Variants in CLIP3 observed in about 807,000 individuals in gnomAD.
The protein encoded by CLIP3 is CAP-Gly domain-containing linker protein 3.
In CLIP3, 15 loss-of-function variants were observed where a neutral mutation model predicts 59.4. The observed-to-expected ratio is 0.25, with a 90% CI of 0.17 to 0.39. CLIP3 has a LOEUF of 0.39. CLIP3 is among the 10% of genes least tolerant of loss of function. The probability of loss-of-function intolerance (pLI) is 1.00; values close to 1 mark genes in which losing one functional copy is unlikely to be tolerated. For synonymous variants in CLIP3, 300 were observed against 321.6 expected (o/e 0.93, Z 0.72); for missense variants, 495 against 765.7 (o/e 0.65, Z 4.17).
At position 36,032,431 on chromosome 19, in the gene CLIP3, A is replaced by G; in HGVS notation, c.-58-16T>C. 1.4e-6 allele frequency: 1 copy of G among 694,638 alleles called. No individual in the cohort carries two copies. Among genetic ancestry groups the G allele is most frequent in the Non-Finnish European group, 2.0e-6 (1 of 489,314 alleles). 43.0% of individuals were successfully genotyped at this position (694,638 alleles called of 1,614,324 possible). A position where few individuals can be genotyped will look rare whatever the true frequency, so the allele number is the denominator to read the frequency against. On this transcript the variant is annotated splice_polypyrimidine_tract_variant and intron_variant, in intron 1 of 13. Coordinates refer to ENST00000360535, the MANE Select transcript of CLIP3 (RefSeq NM_015526.3). This position sits in a 1 kb window ranked among gnomAD's most constrained non-coding sequence, Gnocchi z 4.3. ...CAGGCAAATCCTGGAGGCAGAGGTC[A>G]GCTGGAGAGGGTGCCCGGCAGGCTC...
At position 36,024,477 on chromosome 19, in the gene CLIP3, G is replaced by A. The variant is rs151199205; in HGVS notation, c.837C>T (p.Asn279=). The change falls in exon 7 of 14, where the codon AAC becomes AAT. Residue 279 remains asparagine (N), a synonymous_variant. Transcript: ENST00000360535. ...TGAGATTGCCTGGGACGTTGTCATA[G>A]TTGGGTAGCGTGACCTTGGGGAGGG... ...SCALPKVTLP[N]YDNVPGNLML... The A allele has an allele frequency of 7.8e-4, 1,262 of 1,614,264 alleles. 14 individuals carry two copies. In the African/African-American group the frequency reaches 0.012, roughly 16 times the overall value.
At chr19:36,027,781 TCCCAATGC>T (rs1486697051) in intron 2 of CLIP3, among the ~76,000 whole-genome samples, 2 of 152,210 alleles carry the variant, frequency 1.3e-5, no homozygotes, top group Non-Finnish European at 2.9e-5. Flanking sequence ...ACATCTGTAA[TCCCAATGC>T]GTTGGGAGGC....
intron 12 of CLIP3, 141 bp downstream of exon 12, chr19:36,017,245 G>A (rs996541204): frequency 4.3e-5 from 38 of 888,466 alleles, no homozygotes; most frequent in South Asian, 3.2e-4. Context: ...ATCTTTTTGT[G>A]GACCTTGTCT....
At position 36,016,856 on chromosome 19, in the gene CLIP3, T is replaced by A; in HGVS notation, c.1589+51A>T. ...CCTCTGGGTCCAACTGCCTTATGGA[T>A]CCCTCTCCCTGAATGTCACATAGGA... On this transcript the variant is annotated intron_variant, in intron 13 of 13. Coordinates refer to ENST00000360535, the MANE Select transcript of CLIP3 (RefSeq NM_015526.3). This position sits in a 1 kb window ranked among gnomAD's most constrained non-coding sequence, Gnocchi z 4.1. 4.4e-6 allele frequency: 7 copies of A among 1,580,646 alleles called. No individual in the cohort carries two copies. Among genetic ancestry groups the A allele is most frequent in the Non-Finnish European group, 6.1e-6 (7 of 1,154,730 alleles).
chr19:36,024,321 G>C, intron 7 of CLIP3, 75 bp downstream of exon 7: 1 of 1,309,810 alleles, frequency 7.6e-7, no homozygotes, highest in Non-Finnish European at 1.1e-6. Flanking sequence ...CTCTGCCCGA[G>C]GACGCAGCTC....
rs1555786978 is a variant in CLIP3 at position 36,016,342 on chromosome 19, GGTTT to G, written c.1590-134_1590-131del. The G allele has an allele frequency of 3.4e-4, 364 of 1,061,524 alleles. 3 individuals carry two copies. The highest frequency in any genetic ancestry group is 1.4e-3 in the South Asian group (107 of 73,834). The allele number at this position is 1,061,524 out of a possible 1,614,324, so 65.8% of individuals were successfully genotyped here. On this transcript the variant is annotated intron_variant, in intron 13 of 13. Transcript: ENST00000360535. This position sits in a 1 kb window ranked among gnomAD's most constrained non-coding sequence, Gnocchi z 4.1. ...ATTCTGCCTCTACCTCTCTGGCTGT[GGTTT>G]GTTTGTTTGTTTGTTTTCTGAGATG...
In CLIP3 at chr19:36,026,348, C is replaced by T. The variant is rs771321120; in HGVS notation, c.563-83G>A. 1 of 1,319,162 alleles carries T rather than the reference C, an allele frequency of 7.6e-7. No homozygotes were observed. The highest frequency in any genetic ancestry group is 1.1e-6 in the Non-Finnish European group (1 of 926,060). 81.7% of individuals were successfully genotyped at this position (1,319,162 alleles called of 1,614,324 possible). The stretch of plus-strand genomic sequence containing the variant: ...TCCCACCTCGGGGCTCATCTCTTAA[C>T]TTGCAGGTCCCAGAGCCTCCGACGC... On this transcript the variant is annotated intron_variant, in intron 5 of 13. Transcript: ENST00000360535. The surrounding 1 kb of genome is among the most constrained non-coding windows in gnomAD (Gnocchi z 6.3).
At chr19:36,017,328 G>A in intron 12 of CLIP3, 58 bp downstream of exon 12, 2 of 1,508,596 alleles carry the variant, frequency 1.3e-6, no homozygotes, top group Admixed American at 3.3e-5. Context: ...GAGAACCCAT[G>A]ACCCTTCCTC....
At position 36,015,254 on chromosome 19, in the gene CLIP3, G is replaced by A. The variant is rs952059697; in HGVS notation, c.*904C>T. ...GTTACGGCATTGGGGTCTTCTAGGG[G>A]CTGTAGGACTTGAGGGCACAGGGGA... On this transcript the variant is annotated 3_prime_UTR_variant, in exon 14 of 14. Transcript: ENST00000360535. The A allele has an allele frequency of 2.0e-5, 3 of 152,376 alleles. No homozygotes were observed. Among genetic ancestry groups the A allele is most frequent in the African/African-American group, 7.2e-5 (3 of 41,440 alleles). 9.4% of individuals were successfully genotyped at this position (152,376 alleles called of 1,614,324 possible).
rs1197107907 is a variant in CLIP3, at chr19:36,018,980, G to A, written c.1101C>T (p.Pro367=). 1.2e-6 allele frequency: 2 copies of A among 1,604,842 alleles called. No individual in the cohort carries two copies. The highest frequency in any genetic ancestry group is 1.3e-5 in the African/African-American group (1 of 74,682). The change falls in exon 9 of 14, where the codon CCC becomes CCT. Residue 367 remains proline (P), a synonymous_variant. Coordinates refer to ENST00000360535, the MANE Select transcript of CLIP3 (RefSeq NM_015526.3). ...VSKISKAVDA[P]PSSVTSTPRT... is the part of the protein sequence containing the mutation. ...GGGGTGTGGAGGTGACAGAGGAGGGGGGTGCGTCCACTGCCTTGGAGATCT... is the reference window on the plus strand; with the variant it reads ...GGGGTGTGGAGGTGACAGAGGAGGGAGGTGCGTCCACTGCCTTGGAGATCT...
chr19:36,022,586 G>T (rs1490984339), intron 7 of CLIP3, among the ~76,000 whole-genome samples: 1 of 152,156 alleles, frequency 6.6e-6, no homozygotes, highest in Non-Finnish European at 1.5e-5. Flanking sequence ...CCTTCCTTCT[G>T]AATTGTGCAA....
At chr19:36,024,881 C>A (rs1313254465) in intron 6 of CLIP3, among the ~76,000 whole-genome samples, 1 of 152,100 alleles carries the variant, frequency 6.6e-6, no homozygotes, top group Non-Finnish European at 1.5e-5. Context: ...GCCTGGCCAA[C>A]ATGGTGAAAC....
intron 7 of CLIP3, 172 bp from the exon 8 acceptor site, chr19:36,019,478 T>A: frequency 1.3e-6 from 1 of 763,844 alleles, no homozygotes; most frequent in Non-Finnish European, 2.2e-6. Flanking sequence ...CTCAACTTCC[T>A]TTGCTGTGAA....
intron 2 of CLIP3, 63 bp from the exon 3 acceptor site, chr19:36,027,334 G>C: frequency 6.5e-7 from 1 of 1,526,844 alleles, no homozygotes; most frequent in Admixed American, 2.2e-5. Context: ...AGCCTCAGTA[G>C]GGGAGCTGTA....
Position 36,017,430 on chromosome 19 carries a change from G to T in CLIP3, c.1472C>A (p.Ser491Tyr), listed in dbSNP as rs541572631. 1.5e-5 allele frequency: 24 copies of T among 1,614,102 alleles called. No individual in the cohort carries two copies. In the South Asian group the frequency reaches 2.5e-4, roughly 17 times the overall value. The change falls in exon 12 of 14, where the codon TCC (serine) becomes TAC (tyrosine). Residue 491 changes from serine (S) to tyrosine (Y), a missense_variant. Coordinates refer to ENST00000360535, the MANE Select transcript of CLIP3 (RefSeq NM_015526.3). ...TTTGGCTCCAACGCTGTCCCCGGGGGAATCAGTGGATCCGCCAATCCTGAG... is the reference window on the plus strand; with the variant it reads ...TTTGGCTCCAACGCTGTCCCCGGGGTAATCAGTGGATCCGCCAATCCTGAG... ...RIQRIGGSTDSPGDSVGAKKV... is the reference protein window; with the variant it reads ...RIQRIGGSTDYPGDSVGAKKV...
At position 36,016,411 on chromosome 19, in the gene CLIP3, G is replaced by A. The variant is rs902553790; in HGVS notation, c.1590-199C>T. Among the ~76,000 whole-genome samples the A allele has an allele frequency of 2.6e-5, 4 of 152,152 alleles. No homozygotes were observed. Among genetic ancestry groups the A allele is most frequent in the South Asian group, 2.1e-4 (1 of 4,834 alleles). ...CACCCAGGCTGGAGTGCCATGGCAC[G>A]ATCTCGGCTCACTGCAACCTCTGCC... On this transcript the variant is annotated intron_variant, in intron 13 of 13. Transcript: ENST00000360535. The surrounding 1 kb of genome is among the most constrained non-coding windows in gnomAD (Gnocchi z 4.1).
Position 36,016,800 on chromosome 19 carries a change from C to T in CLIP3, c.1589+107G>A. On this transcript the variant is annotated intron_variant, in intron 13 of 13. Transcript: ENST00000360535. This position sits in a 1 kb window ranked among gnomAD's most constrained non-coding sequence, Gnocchi z 4.1. ...CTTACAAGTCACAAGTTTTCCTAACCTCTCTTTCCAGCCCTGACCAGAGCT... is the reference window on the plus strand; with the variant it reads ...CTTACAAGTCACAAGTTTTCCTAACTTCTCTTTCCAGCCCTGACCAGAGCT... The T allele has an allele frequency of 8.3e-7, 1 of 1,209,810 alleles. No homozygotes were observed. Among genetic ancestry groups the T allele is most frequent in the East Asian group, 2.5e-5 (1 of 39,370 alleles). The allele number at this position is 1,209,810 out of a possible 1,614,324, so 74.9% of individuals were successfully genotyped here. A position where few individuals can be genotyped will look rare whatever the true frequency, so the allele number is the denominator to read the frequency against.
In CLIP3 at chr19:36,032,124, G is replaced by A; in HGVS notation, c.166+68C>T. The A allele has an allele frequency of 1.1e-6, 1 of 896,124 alleles. No individual in the cohort carries two copies. The highest frequency in any genetic ancestry group is 1.5e-6 in the Non-Finnish European group (1 of 666,536). The allele number at this position is 896,124 out of a possible 1,614,324, so 55.5% of individuals were successfully genotyped here. On this transcript the variant is annotated intron_variant, in intron 2 of 13. Transcript: ENST00000360535. This position sits in a 1 kb window ranked among gnomAD's most constrained non-coding sequence, Gnocchi z 4.3. ...AATTCTCCCACCATCACCACCAGCA[G>A]AGCACAGCCCACCCTCCCCGGCCAC...
rs369219170 is a variant in CLIP3 at position 36,017,788 on chromosome 19, G to A, written c.1328-10C>T. 35 of 1,614,106 alleles carry A rather than the reference G, an allele frequency of 2.2e-5. No homozygotes were observed. The highest frequency in any genetic ancestry group is 6.6e-5 in the South Asian group (6 of 91,074). The stretch of plus-strand genomic sequence containing the variant: ...ATGCCATACCAGTAACCTGCAGCAC[G>A]AGGGTGTCAGGATTTCTCAAGGCCC... On this transcript the variant is annotated splice_polypyrimidine_tract_variant and intron_variant, in intron 10 of 13. Transcript: ENST00000360535.
Sources: allele counts gnomAD v4.1 joint callset (sites outside exome capture counted in the v4.1 genomes callset), GRCh38; gene constraint gnomAD v4.1.1; non-coding constraint Gnocchi (gnomAD v3.1); transcripts MANE v1.5; gene names NCBI Gene and HGNC (gene_info 2026-07-23, HGNC 2026-07-21).